The following SLC25A13 variants were observed in gnomAD, a reference collection of about 807,000 sequenced individuals.
The protein encoded by SLC25A13 is electrogenic aspartate/glutamate antiporter SLC25A13, mitochondrial.
In SLC25A13, 70 loss-of-function variants were observed where a neutral mutation model predicts 85.5. The observed-to-expected ratio is 0.82, with a 90% CI of 0.68 to 1.00. SLC25A13 has a LOEUF of 1.00. SLC25A13 is among the 50% of genes least tolerant of loss of function. The probability of loss-of-function intolerance (pLI) is 0.00; values close to 1 mark genes in which losing one functional copy is unlikely to be tolerated. For missense variants in SLC25A13, 765 were observed against 819.8 expected (o/e 0.93, Z 0.82); for synonymous variants, 259 against 288.7 (o/e 0.90, Z 1.04).
At chr7:96,314,120 A>G (rs973323906) in intron 1 of SLC25A13, among the ~76,000 whole-genome samples, 4 of 152,050 alleles carry the variant, frequency 2.6e-5, no homozygotes, top group East Asian at 3.9e-4. Context: ...GAGGAGGAAG[A>G]AGGAGGAAGG....
At chr7:96,219,771 A>G (rs1379147467) in intron 4 of SLC25A13, 2 of 533,260 alleles carry the variant, frequency 3.8e-6, no homozygotes, top group Non-Finnish European at 3.9e-6. Context: ...CTCCTCCTCT[A>G]TAATCTGACA....
intron 4 of SLC25A13, 110 bp downstream of exon 4, chr7:96,234,692 T>A: frequency 1.3e-6 from 1 of 788,024 alleles, no homozygotes; most frequent in Non-Finnish European, 2.1e-6. Flanking sequence ...GGATATACTA[T>A]CTTCTATAAA....
At position 96,303,498 on chromosome 7, in the gene SLC25A13, C is replaced by T. The variant is rs1294751689; in HGVS notation, c.16-6547G>A. On this transcript the variant is annotated intron_variant, in intron 1 of 17. Transcript: ENST00000265631. ...AAAGAAAAGTATTCTTGGGTGTAAC[C>T]TAACCACTTAGAAGCAGGGGCCCAC... Among the ~76,000 whole-genome samples the T allele has an allele frequency of 5.9e-4, 89 of 152,128 alleles. 1 individual carries two copies. The highest frequency in any genetic ancestry group is 1.5e-4 in the Non-Finnish European group (10 of 68,024).
chr7:96,220,613 T>C (rs1476535775), intron 4 of SLC25A13, among the ~76,000 whole-genome samples: 1 of 152,194 alleles, frequency 6.6e-6, no homozygotes, highest in Admixed American at 6.5e-5. Context: ...AATGGTATAA[T>C]TTTCCTATCT....
In SLC25A13 at chr7:96,121,024, T is replaced by A; in HGVS notation, c.*167A>T. The A allele has an allele frequency of 1.2e-6, 1 of 804,304 alleles. No homozygotes were observed. The highest frequency in any genetic ancestry group is 2.1e-6 in the Non-Finnish European group (1 of 478,814). The allele number at this position is 804,304 out of a possible 1,614,324, so 49.8% of individuals were successfully genotyped here. On this transcript the variant is annotated 3_prime_UTR_variant, in exon 18 of 18. Coordinates refer to ENST00000265631, the MANE Select transcript of SLC25A13 (RefSeq NM_014251.3). ...TATGAATAATTTCACAATGATCTGG[T>A]TAAGAAAACACCCAGAAAATGAATG... is the stretch of plus-strand genomic sequence containing the variant.
chr7:96,195,209 C>T (rs1795014762), intron 5 of SLC25A13, among the ~76,000 whole-genome samples: 1 of 152,172 alleles, frequency 6.6e-6, no homozygotes, highest in South Asian at 2.1e-4. Flanking sequence ...GTAGATCCCC[C>T]AACCCAGTGC....
rs550461415 is a variant in SLC25A13 at position 96,221,399 on chromosome 7, C to T, written c.329-12422G>A. Among the ~76,000 whole-genome samples, 14 of 152,304 alleles carry T rather than the reference C, an allele frequency of 9.2e-5. No homozygotes were observed. The East Asian group carries it at 2.3e-3, about 25-fold the overall frequency. On this transcript the variant is annotated intron_variant, in intron 4 of 17. Coordinates refer to ENST00000265631, the MANE Select transcript of SLC25A13 (RefSeq NM_014251.3). ...TCATAAAATAAAATCAAATCTACTG[C>T]AGGGCAATATTTTTCTTTCATCAAA...
rs762562192 is a variant in SLC25A13, at chr7:96,170,144, T to C, written c.1231-19A>G. The C allele has an allele frequency of 3.1e-6, 5 of 1,603,000 alleles. No homozygotes were observed. Among genetic ancestry groups the C allele is most frequent in the South Asian group, 2.2e-5 (2 of 90,786 alleles). On this transcript the variant is annotated intron_variant, in intron 12 of 17. Transcript: ENST00000265631. ...CGTTCACCTTGAAGAAAAATATTTA[T>C]AGAAGCTGATGAAAAATATAAAGAA... is the stretch of plus-strand genomic sequence containing the variant.
intron 15 of SLC25A13, among the ~76,000 whole-genome samples, chr7:96,125,246 G>A (rs978823360): frequency 8.6e-5 from 13 of 152,024 alleles, no homozygotes; most frequent in African/African-American, 2.9e-4. Context: ...GCACCAGCAC[G>A]CCCGGCTATT....
chr7:96,294,732 T>C lies in SLC25A13; in HGVS notation c.69+2166A>G, dbSNP rs537642640. On this transcript the variant is annotated intron_variant, in intron 2 of 17. Transcript: ENST00000265631. ...TCACTCTGTCATCCAGGCTGGAATG[T>C]GGTGGCACATTCATAGCTCACTGAA... 2.0e-5 allele frequency among the ~76,000 whole-genome samples: 3 copies of C among 152,320 alleles called. No homozygotes were observed. The South Asian group carries it at 6.2e-4, about 32-fold the overall frequency.
chr7:96,172,234 G>A (rs976578722), intron 11 of SLC25A13, among the ~76,000 whole-genome samples: 1 of 152,102 alleles, frequency 6.6e-6, no homozygotes, highest in Admixed American at 6.5e-5. Context: ...GTAACAAAAA[G>A]TTTCAAACAT....
At chr7:96,302,948 G>A (rs1054039028) in intron 1 of SLC25A13, among the ~76,000 whole-genome samples, 2 of 152,164 alleles carry the variant, frequency 1.3e-5, no homozygotes, top group South Asian at 2.1e-4. Flanking sequence ...CAATTTTAAT[G>A]TACGGATTAT....
intron 14 of SLC25A13, among the ~76,000 whole-genome samples, chr7:96,134,145 G>A (rs963846883): frequency 6.6e-6 from 1 of 151,056 alleles, no homozygotes; most frequent in Non-Finnish European, 1.5e-5. Flanking sequence ...TGTTACTTCA[G>A]CCTCCTGGCC....
intron 1 of SLC25A13, among the ~76,000 whole-genome samples, chr7:96,303,690 G>A (rs1004299033): frequency 2.0e-5 from 3 of 152,100 alleles, no homozygotes; most frequent in Non-Finnish European, 2.9e-5. Flanking sequence ...TGCCAAGCAC[G>A]CACCATTGCT....
chr7:96,191,298 G>C, intron 6 of SLC25A13, 51 bp from the exon 7 acceptor site: 4 of 1,592,320 alleles, frequency 2.5e-6, no homozygotes, highest in Non-Finnish European at 3.4e-6. Context: ...AAGATTTATA[G>C]ATGATTCAGA....
intron 11 of SLC25A13, among the ~76,000 whole-genome samples, chr7:96,178,796 G>A (rs1290162746): frequency 6.6e-6 from 1 of 151,960 alleles, no homozygotes; most frequent in Non-Finnish European, 1.5e-5. Flanking sequence ...CCTCCCATTT[G>A]TCTGTCTGCT....
At chr7:96,141,643 G>A (rs1039522758) in intron 14 of SLC25A13, among the ~76,000 whole-genome samples, 2 of 152,194 alleles carry the variant, frequency 1.3e-5, no homozygotes, top group Non-Finnish European at 2.9e-5. Flanking sequence ...ACCACAGCAT[G>A]TCCCTGGGTA....
At chr7:96,159,396 C>A (rs1793411930) in intron 13 of SLC25A13, among the ~76,000 whole-genome samples, 2 of 152,106 alleles carry the variant, frequency 1.3e-5, no homozygotes, top group Admixed American at 1.3e-4. Context: ...AATGGATGGG[C>A]CCTAATCCAA....
At chr7:96,151,137 G>A (rs1247117435) in intron 13 of SLC25A13, among the ~76,000 whole-genome samples, 1 of 152,172 alleles carries the variant, frequency 6.6e-6, no homozygotes, top group Non-Finnish European at 1.5e-5. Flanking sequence ...CAAAGGAACA[G>A]TGACAAGGGC....
Sources: allele counts gnomAD v4.1 joint callset (sites outside exome capture counted in the v4.1 genomes callset), GRCh38; gene constraint gnomAD v4.1.1; transcripts MANE v1.5; gene names NCBI Gene and HGNC (gene_info 2026-07-23, HGNC 2026-07-21).